SCN8A: variants seen among roughly 807,000 people sequenced by gnomAD.
The protein encoded by SCN8A is sodium voltage-gated channel alpha subunit 8.
SCN8A carries 30 observed loss-of-function variants against 184.1 expected under a neutral mutation model. The ratio of observed to expected loss-of-function variants is 0.16; its 90% CI spans 0.12 to 0.22. The LOEUF is 0.22. Ranked by LOEUF, SCN8A falls within the 10% of genes least tolerant of loss-of-function variation. SCN8A has a pLI of 1.00. For synonymous variants in SCN8A, 852 were observed against 907.0 expected (o/e 0.94, Z 1.09); for missense variants, 1,057 against 2,498.9 (o/e 0.42, Z 12.30).
chr12:51,631,116 A>C (rs189208047), intron 1 of SCN8A, among the ~76,000 whole-genome samples: 20 of 152,296 alleles, frequency 1.3e-4, no homozygotes, highest in East Asian at 1.2e-3. Context: ...ACACTTGGTG[A>C]ATTTCATTGC....
intron 6 of SCN8A, among the ~76,000 whole-genome samples, chr12:51,693,171 G>C (rs1941539358): frequency 6.6e-6 from 1 of 152,150 alleles, no homozygotes; most frequent in African/African-American, 2.4e-5. Flanking sequence ...GGCAATTTCT[G>C]CTGCATAATG....
At chr12:51,599,876 T>A (rs1939428066) in intron 1 of SCN8A, among the ~76,000 whole-genome samples, 1 of 152,200 alleles carries the variant, frequency 6.6e-6, no homozygotes. Context: ...GAAGACTCAG[T>A]AGAACTCAGT....
chr12:51,638,158 A>C (rs1940360225), intron 1 of SCN8A, among the ~76,000 whole-genome samples: 1 of 152,186 alleles, frequency 6.6e-6, no homozygotes, highest in African/African-American at 2.4e-5. Flanking sequence ...CCCTTTCAAC[A>C]TATTAATACT....
chr12:51,769,717 C>T (rs1435560865), intron 17 of SCN8A, 151 bp from the exon 18 acceptor site: 12 of 643,240 alleles, frequency 1.9e-5, no homozygotes, highest in South Asian at 5.5e-5. Flanking sequence ...TTTGGGGGCC[C>T]GTGGATATGG....
At chr12:51,679,085 T>TAAAA (rs1490341605) in intron 2 of SCN8A, among the ~76,000 whole-genome samples, 4 of 46,868 alleles carry the variant, frequency 8.5e-5, no homozygotes, top group East Asian at 6.0e-3. Flanking sequence ...CCAAAAAAAA[T>TAAAA]AAAAAAATAA....
At chr12:51,699,966 A>G (rs1941657105) in intron 7 of SCN8A, among the ~76,000 whole-genome samples, 175 bp downstream of exon 7, 1 of 152,116 alleles carries the variant, frequency 6.6e-6, no homozygotes, top group Non-Finnish European at 1.5e-5. Flanking sequence ...TGGGAGTTTG[A>G]GACCAGCCTG....
At chr12:51,699,055 T>C (rs1204654561) in intron 6 of SCN8A, among the ~76,000 whole-genome samples, 2 of 152,226 alleles carry the variant, frequency 1.3e-5, no homozygotes, top group African/African-American at 4.8e-5. Context: ...TGACAAATGC[T>C]ACAGAAGAAA....
intron 1 of SCN8A, among the ~76,000 whole-genome samples, chr12:51,615,211 G>C (rs879688009): frequency 6.6e-6 from 1 of 151,716 alleles, no homozygotes; most frequent in Admixed American, 6.6e-5. Flanking sequence ...ACATACTTAA[G>C]TGTTCAGTCT....
rs2138716241 is a variant in SCN8A, at chr12:51,688,850, G to A, written c.615-155G>A. 6.2e-7 allele frequency: 1 copy of A among 1,612,474 alleles called. No homozygotes were observed. The highest frequency in any genetic ancestry group is 8.5e-7 in the Non-Finnish European group (1 of 1,178,668). Reference sequence around the variant, plus strand: ...TTGAAAACTATTTCGGTAATCCCAGGTAAGATGGTCCGGGGTTGGTGTTAG... The same window carrying A: ...TTGAAAACTATTTCGGTAATCCCAGATAAGATGGTCCGGGGTTGGTGTTAG... On this transcript the variant is annotated intron_variant, in intron 5 of 26. Coordinates refer to ENST00000627620, the MANE Select transcript of SCN8A (RefSeq NM_001330260.2).
intron 1 of SCN8A, among the ~76,000 whole-genome samples, chr12:51,660,015 T>C (rs1333980877): frequency 1.3e-5 from 2 of 152,124 alleles, no homozygotes; most frequent in East Asian, 3.8e-4. Flanking sequence ...AAATTACCAA[T>C]GTACAAATTA....
At chr12:51,789,260 T>G in intron 23 of SCN8A, 21 bp from the exon 24 acceptor site, 1 of 1,613,406 alleles carries the variant, frequency 6.2e-7, no homozygotes. Context: ...ATTCTCTTCC[T>G]TTTATCCTGT....
At chr12:51,769,821 C>T (rs1942895487) in intron 17 of SCN8A, 47 bp from the exon 18 acceptor site, 2 of 1,209,314 alleles carry the variant, frequency 1.7e-6, no homozygotes, top group African/African-American at 1.5e-5. Flanking sequence ...GTGGAGTGGG[C>T]ATGTTGCCTC....
At chr12:51,778,640 C>CA (rs1458340924) in intron 20 of SCN8A, among the ~76,000 whole-genome samples, 3 of 152,098 alleles carry the variant, frequency 2.0e-5, no homozygotes, top group African/African-American at 7.2e-5. Context: ...TACCCCCTGC[C>CA]AGTCATGCTG....
chr12:51,655,707 A>G (rs546134065), intron 1 of SCN8A, among the ~76,000 whole-genome samples: 1 of 152,286 alleles, frequency 6.6e-6, no homozygotes, highest in South Asian at 2.1e-4. Flanking sequence ...TGGACAACCA[A>G]AAGAAGAGAG....
intron 21 of SCN8A, among the ~76,000 whole-genome samples, chr12:51,781,877 C>T (rs925085484): frequency 5.9e-5 from 9 of 152,110 alleles, no homozygotes; most frequent in African/African-American, 2.2e-4. Context: ...AAAAATTAAA[C>T]TGTTACGATA....
At chr12:51,739,133 G>A (rs1044418785) in intron 12 of SCN8A, among the ~76,000 whole-genome samples, 2 of 152,178 alleles carry the variant, frequency 1.3e-5, no homozygotes, top group East Asian at 1.9e-4. Flanking sequence ...GGCCTGACTT[G>A]CTGATTTTTT....
intron 6 of SCN8A, among the ~76,000 whole-genome samples, chr12:51,698,157 T>C (rs1430645303): frequency 1.3e-5 from 2 of 152,080 alleles, no homozygotes; most frequent in East Asian, 1.9e-4. Flanking sequence ...CCCAGCTGCT[T>C]TGTCAGGTGT....
chr12:51,618,119 A>G (rs1181712606), intron 1 of SCN8A, among the ~76,000 whole-genome samples: 1 of 151,958 alleles, frequency 6.6e-6, no homozygotes, highest in Non-Finnish European at 1.5e-5. Context: ...TTTACTTCCT[A>G]TGACCACATC....
intron 20 of SCN8A, among the ~76,000 whole-genome samples, chr12:51,774,951 T>C (rs1017694479): frequency 2.0e-5 from 3 of 152,206 alleles, no homozygotes; most frequent in African/African-American, 7.2e-5. Flanking sequence ...TGAGAAATCC[T>C]TTTTTCCTCC....
Sources: allele counts gnomAD v4.1 joint callset (sites outside exome capture counted in the v4.1 genomes callset), GRCh38; gene constraint gnomAD v4.1.1; transcripts MANE v1.5; gene names NCBI Gene and HGNC (gene_info 2026-07-23, HGNC 2026-07-21).